HKDC1: variants seen among roughly 807,000 people sequenced by gnomAD.
The protein encoded by HKDC1 is hexokinase domain containing 1, also known as hexokinase HKDC1.
In HKDC1, 66 loss-of-function variants were observed where a neutral mutation model predicts 96.6. That is an observed-to-expected ratio of 0.68 (90% CI 0.56 to 0.84). The LOEUF is 0.84. Ranked by LOEUF, HKDC1 falls within the 40% of genes least tolerant of loss-of-function variation. The pLI is 0.00. For synonymous variants in HKDC1, 466 were observed against 473.1 expected (o/e 0.98, Z 0.20); for missense variants, 1,211 against 1,208.1 (o/e 1.00, Z -0.04).
Position 69,222,169 on chromosome 10 carries a change from C to A in HKDC1, c.63+1671C>A, listed in dbSNP as rs533045041. On this transcript the variant is annotated intron_variant, in intron 1 of 17. Coordinates refer to ENST00000354624, the MANE Select transcript of HKDC1 (RefSeq NM_025130.4). ...CCCGGGCAGCAGAGGTTACAGTGAG[C>A]CGAGATCATGCCATTGTACTCCAGC... Among the ~76,000 whole-genome samples the A allele has an allele frequency of 6.6e-5, 10 of 152,194 alleles. No homozygotes were observed. The South Asian group carries it at 1.0e-3, about 16-fold the overall frequency.
At chr10:69,255,789 T>G (rs1022784551) in intron 12 of HKDC1, among the ~76,000 whole-genome samples, 11 of 151,882 alleles carry the variant, frequency 7.2e-5, no homozygotes, top group African/African-American at 2.4e-4. Flanking sequence ...TGGTGGTGTG[T>G]GCCTGTAGTC....
Position 69,261,290 on chromosome 10 carries a change from G to A in HKDC1, c.2368G>A (p.Glu790Lys), listed in dbSNP as rs199674269. 4.7e-5 allele frequency: 76 copies of A among 1,613,674 alleles called. No individual in the cohort carries two copies. Among genetic ancestry groups the A allele is most frequent in the Admixed American group, 1.0e-4 (6 of 59,984 alleles). The change falls in exon 16 of 18, where the codon GAA becomes AAA. Residue 790 changes from glutamate (E) to lysine (K), a missense_variant. Transcript: ENST00000354624. ...IFETKFLSQI[E>K]SDRLALLQVR... is the part of the protein sequence containing the mutation. ...CGAAACCAAGTTCCTGTCCCAGATC[G>A]AAAGGTGACCTGTGATCAAGTTCAT...
At chr10:69,257,010 A>G (rs1843726399) in intron 12 of HKDC1, 26 bp from the exon 13 acceptor site, 1 of 1,583,174 alleles carries the variant, frequency 6.3e-7, no homozygotes, top group African/African-American at 1.3e-5. Flanking sequence ...CTATTGCTCA[A>G]ATGAATTTCC....
intron 2 of HKDC1, among the ~76,000 whole-genome samples, chr10:69,228,825 C>T (rs1843201893): frequency 6.6e-6 from 1 of 151,536 alleles, no homozygotes; most frequent in Non-Finnish European, 1.5e-5. Context: ...GAGATTGCGC[C>T]ACTGCACTCC....
chr10:69,250,625 T>A lies in HKDC1; in HGVS notation c.1809T>A (p.Phe603Leu). Residue 603 changes from phenylalanine to leucine, a missense_variant, in exon 12 of 18, where the codon TTT (phenylalanine) becomes TTA (leucine). Phe to Leu is a conservative substitution (Grantham distance 22). Coordinates refer to ENST00000354624, the MANE Select transcript of HKDC1 (RefSeq NM_025130.4). ...ASLPLGFTFS[F>L]PCRQMSIDKG... is the part of the protein sequence containing the mutation. Reference sequence around the variant, plus strand: ...TACCTTTGGGCTTCACATTCTCATTTCCCTGCAGGCAGATGAGCATTGACA... The same window carrying A: ...TACCTTTGGGCTTCACATTCTCATTACCCTGCAGGCAGATGAGCATTGACA... The A allele has an allele frequency of 6.2e-7, 1 of 1,613,906 alleles. No individual in the cohort carries two copies.
chr10:69,242,903 G>A (rs1025994046), intron 6 of HKDC1, among the ~76,000 whole-genome samples: 8 of 152,174 alleles, frequency 5.3e-5, no homozygotes, highest in African/African-American at 7.2e-5. Context: ...AGAGCGCTTC[G>A]TCAGCTTTCA....
chr10:69,227,221 G>A lies in HKDC1; in HGVS notation c.78G>A (p.Leu26=). 6.2e-7 allele frequency: 1 copy of A among 1,614,188 alleles called. No homozygotes were observed. The highest frequency in any genetic ancestry group is 1.3e-5 in the African/African-American group (1 of 75,044). ...GTCTGTTCCAGGTGGACAGGTTCCT[G>A]TATCACATGCGGCTCTCCGATGACA... ...EDQIKKVDRF[L]YHMRLSDDTL... Residue 26 remains leucine, a synonymous_variant, in exon 2 of 18, where the codon CTG becomes CTA. Coordinates refer to ENST00000354624, the MANE Select transcript of HKDC1 (RefSeq NM_025130.4).
At chr10:69,248,218 TTC>T (rs1054848005) in intron 9 of HKDC1, among the ~76,000 whole-genome samples, 4 of 20,992 alleles carry the variant, frequency 1.9e-4, no homozygotes, top group African/African-American at 9.3e-4. Context: ...GAATAAGCAC[TTC>T]CCCGAGCCTC....
chr10:69,236,607 C>T (rs2132344858), intron 4 of HKDC1, among the ~76,000 whole-genome samples: 1 of 151,602 alleles, frequency 6.6e-6, no homozygotes, highest in East Asian at 2.0e-4. Context: ...ATGGAGAAAC[C>T]CCGTCTCTAC....
intron 16 of HKDC1, chr10:69,261,721 T>C (rs549053854): frequency 1.2e-5 from 2 of 173,546 alleles, no homozygotes; most frequent in African/African-American, 4.8e-5. Flanking sequence ...CAAAAATTAA[T>C]GGTTTTTACA....
intron 3 of HKDC1, 31 bp downstream of exon 3, chr10:69,232,943 G>C (rs1474110746): frequency 1.2e-6 from 2 of 1,612,036 alleles, no homozygotes; most frequent in South Asian, 2.2e-5. Flanking sequence ...GTGACCGCAG[G>C]GAAGGCGGTG....
rs759077779 is a variant in HKDC1, at chr10:69,239,151, C to G, written c.591+14C>G. 2.1e-5 allele frequency: 34 copies of G among 1,605,014 alleles called. No individual in the cohort carries two copies. Among genetic ancestry groups the G allele is most frequent in the Non-Finnish European group, 2.8e-5 (33 of 1,172,380 alleles). ...AGAAGACACAAGGTGAGGAATTCAC[C>G]TCGGTGTGGGAGGCTCTCCCAGCCC... is the stretch of plus-strand genomic sequence containing the variant. On this transcript the variant is annotated intron_variant, in intron 5 of 17. Transcript: ENST00000354624.
At chr10:69,245,869 G>C (rs1843532622) in intron 7 of HKDC1, among the ~76,000 whole-genome samples, 1 of 152,154 alleles carries the variant, frequency 6.6e-6, no homozygotes, top group African/African-American at 2.4e-5. Context: ...GTGAAATTGA[G>C]AGTCCCTATG....
Position 69,247,433 on chromosome 10 carries a change from A to G in HKDC1, c.1105A>G (p.Ile369Val), listed in dbSNP as rs1049699696. ...TCTGGAACCGTCTGAGGCTGACTGC[A>G]TTGCCGTCCAGCATGTCTGTACCAT... is the stretch of plus-strand genomic sequence containing the variant. Reference protein sequence around the residue: ...LGLEPSEADCIAVQHVCTIVS... With the variant: ...LGLEPSEADCVAVQHVCTIVS... Residue 369 changes from isoleucine to valine, a missense_variant, in exon 9 of 18, where the codon ATT (isoleucine) becomes GTT (valine). Ile to Val is a conservative substitution (Grantham distance 29). Coordinates refer to ENST00000354624, the MANE Select transcript of HKDC1 (RefSeq NM_025130.4). The G allele has an allele frequency of 6.2e-7, 1 of 1,614,080 alleles. No homozygotes were observed.
rs1386080878 is a variant in HKDC1 at position 69,246,235 on chromosome 10, G to C, written c.1031+1G>C. 6.2e-7 allele frequency: 1 copy of C among 1,613,536 alleles called. No homozygotes were observed. The highest frequency in any genetic ancestry group is 8.5e-7 in the Non-Finnish European group (1 of 1,179,920). On this transcript the variant is annotated splice_donor_variant, in intron 8 of 17. Transcript: ENST00000354624. LOFTEE classifies it high-confidence loss of function. The stretch of plus-strand genomic sequence containing the variant: ...CACGGCACGTGGCTGCCATGGAGAA[G>C]TAAGCAAGTCCCTCTGCCTTGGCTC...
intron 16 of HKDC1, among the ~76,000 whole-genome samples, chr10:69,262,896 G>A (rs781436609): frequency 2.6e-5 from 4 of 150,954 alleles, no homozygotes; most frequent in Non-Finnish European, 4.4e-5. Flanking sequence ...GCAATAGACC[G>A]ACAAGTTTAC....
At chr10:69,248,084 G>A (rs1196342493) in intron 9 of HKDC1, among the ~76,000 whole-genome samples, 1 of 152,214 alleles carries the variant, frequency 6.6e-6, no homozygotes, top group African/African-American at 2.4e-5. Flanking sequence ...TTGGCTACCG[G>A]GGTGGACTTG....
intron 4 of HKDC1, among the ~76,000 whole-genome samples, 164 bp downstream of exon 4, chr10:69,233,297 T>A (rs186159397): frequency 4.6e-5 from 7 of 152,318 alleles, no homozygotes; most frequent in Non-Finnish European, 7.3e-5. Context: ...AGAGAACTTG[T>A]TAACGCAATG....
intron 6 of HKDC1, among the ~76,000 whole-genome samples, chr10:69,242,426 G>GAAAAAAAAAAA (rs1294586012): frequency 6.4e-5 from 2 of 31,216 alleles, no homozygotes; most frequent in Middle Eastern, 0.016. Flanking sequence ...GGAAGATACT[G>GAAAAAAAAAAA]AAGAAAAAAA....
Sources: gnomAD v4.1 joint callset for allele counts (sites outside exome capture counted in the v4.1 genomes callset) on GRCh38, gnomAD v4.1.1 for gene constraint, MANE v1.5 for transcripts, NCBI Gene and HGNC (gene_info 2026-07-23, HGNC 2026-07-21) for gene names.